Variants in GABPB1 observed in about 807,000 individuals in gnomAD.
GABPB1 encodes the protein GA-binding protein subunit beta-1.
GABPB1 carries 15 observed loss-of-function variants against 45.9 expected under a neutral mutation model. That is an observed-to-expected ratio of 0.33 (90% CI 0.22 to 0.50). GABPB1 has a LOEUF of 0.50. Among genes scored for constraint, GABPB1 ranks in the 20% least tolerant of loss-of-function variants. GABPB1 has a pLI of 0.98. For synonymous variants in GABPB1, 143 were observed against 154.4 expected, an observed-to-expected ratio of 0.93 and a Z score of 0.55; for missense variants, 252 against 457.5, an observed-to-expected ratio of 0.55 and a Z score of 4.10.
chr15:50,310,701 A>T (rs2047100637), intron 1 of GABPB1, among the ~76,000 whole-genome samples: 1 of 152,184 alleles, frequency 6.6e-6, no homozygotes, highest in Non-Finnish European at 1.5e-5. Context: ...GCTAGAGGCC[A>T]GGTGCGATGG....
intron 1 of GABPB1, chr15:50,347,299 GAAT>G (rs2048625934): frequency 6.6e-6 from 1 of 152,116 alleles, no homozygotes; most frequent in Non-Finnish European, 1.5e-5. Context: ...AACACAGGAA[GAAT>G]AATCACATTG....
intron 1 of GABPB1, chr15:50,350,479 A>C (rs2048778885): frequency 6.6e-6 from 1 of 151,130 alleles, no homozygotes; most frequent in Non-Finnish European, 1.5e-5. Flanking sequence ...TGAATCTACC[A>C]AATTACAGTG....
rs781164291 is a variant in GABPB1 at position 50,276,816 on chromosome 15, A to C, written c.*1816T>G. 6.6e-6 allele frequency: 1 copy of C among 152,244 alleles called. No homozygotes were observed. The highest frequency in any genetic ancestry group is 1.5e-5 in the Non-Finnish European group (1 of 68,048). The allele number at this position is 152,244 out of a possible 1,614,324, so 9.4% of individuals were successfully genotyped here. On this transcript the variant is annotated 3_prime_UTR_variant, in exon 9 of 9. Transcript: ENST00000380877. ...GCACCCTGCCTAACATGACAAATTA[A>C]TGTACCGAAGTAACCAGAAACAACA...
chr15:50,281,259 T>C (rs1223854807), intron 8 of GABPB1, among the ~76,000 whole-genome samples: 1 of 152,244 alleles, frequency 6.6e-6, no homozygotes, highest in Non-Finnish European at 1.5e-5. Context: ...TTGCCCAGGC[T>C]GGAGTGCAGT....
chr15:50,348,082 T>G (rs1465709649), intron 1 of GABPB1, among the ~76,000 whole-genome samples: 2 of 144,342 alleles, frequency 1.4e-5, no homozygotes, highest in Non-Finnish European at 3.0e-5. Context: ...TAAACCACCA[T>G]AGTAAAAGTA....
chr15:50,342,945 G>A, intron 1 of GABPB1, among the ~76,000 whole-genome samples: 1 of 149,520 alleles, frequency 6.7e-6, no homozygotes, highest in Non-Finnish European at 1.5e-5. Flanking sequence ...CTGTCGCCCA[G>A]GCTGGAGTGC....
intron 1 of GABPB1, among the ~76,000 whole-genome samples, chr15:50,330,299 T>C (rs2047905037): frequency 6.6e-6 from 1 of 152,188 alleles, no homozygotes; most frequent in Non-Finnish European, 1.5e-5. Flanking sequence ...TGGAAAATAC[T>C]GCATAGAGAT....
chr15:50,306,689 C>G (rs887476169), intron 2 of GABPB1, among the ~76,000 whole-genome samples: 3 of 151,658 alleles, frequency 2.0e-5, no homozygotes, highest in Non-Finnish European at 4.4e-5. Flanking sequence ...CTCCCCCAGC[C>G]CCAGAGGTAA....
chr15:50,297,514 C>T (rs113716824), intron 6 of GABPB1, among the ~76,000 whole-genome samples: 1 of 152,166 alleles, frequency 6.6e-6, no homozygotes, highest in African/African-American at 2.4e-5. Flanking sequence ...GCTCCCGGCA[C>T]TTCTTTTTAA....
At chr15:50,317,535 TATA>T (rs1001328374) in intron 1 of GABPB1, among the ~76,000 whole-genome samples, 3 of 152,028 alleles carry the variant, frequency 2.0e-5, no homozygotes, top group Non-Finnish European at 2.9e-5. Flanking sequence ...ATATTACTAA[TATA>T]ATATTAAAAC....
intron 1 of GABPB1, among the ~76,000 whole-genome samples, chr15:50,343,775 G>A (rs977883134): frequency 6.6e-6 from 1 of 152,086 alleles, no homozygotes; most frequent in Non-Finnish European, 1.5e-5. Context: ...CTGACCTCAT[G>A]ATCTGCCCGC....
At chr15:50,282,766 A>T (rs1222384293) in intron 8 of GABPB1, among the ~76,000 whole-genome samples, 2 of 152,176 alleles carry the variant, frequency 1.3e-5, no homozygotes, top group Non-Finnish European at 2.9e-5. Flanking sequence ...ATAAAAATAA[A>T]ATTTACAGCC....
chr15:50,308,435 A>C (rs535614568), intron 2 of GABPB1, among the ~76,000 whole-genome samples: 24 of 152,232 alleles, frequency 1.6e-4, no homozygotes, highest in Non-Finnish European at 2.9e-4. Flanking sequence ...GTCTTGGTTC[A>C]CATCAGCTTA....
chr15:50,300,768 C>T (rs1445534122), intron 6 of GABPB1, 21 bp downstream of exon 6: 3 of 1,446,734 alleles, frequency 2.1e-6, no homozygotes, highest in Non-Finnish European at 2.9e-6. Flanking sequence ...TTAATGTACA[C>T]ATTAGACTCG....
At position 50,354,015 on chromosome 15, in the gene GABPB1, C is replaced by A. The variant is rs78819697; in HGVS notation, c.-1+970G>T. On this transcript the variant is annotated intron_variant, in intron 1 of 8. Coordinates refer to ENST00000380877, the MANE Select transcript of GABPB1 (RefSeq NM_016654.5). ...CGCCACAGTCCAATCAGGTTTAAAG[C>A]AAGAGTATTTGTACTGAAAACAAGC... The A allele has an allele frequency of 3.8e-3, 839 of 219,082 alleles. 8 individuals carry two copies. Among genetic ancestry groups the A allele is most frequent in the African/African-American group, 0.019 (807 of 41,838 alleles). 13.6% of individuals were successfully genotyped at this position (219,082 alleles called of 1,614,324 possible). A position where few individuals can be genotyped will look rare whatever the true frequency, so the allele number is the denominator to read the frequency against.
chr15:50,313,109 TGACTA>T (rs563943954), intron 1 of GABPB1, among the ~76,000 whole-genome samples: 47 of 152,148 alleles, frequency 3.1e-4, no homozygotes, highest in African/African-American at 1.1e-3. Flanking sequence ...ACCACAAAAA[TGACTA>T]GAAGAAACAT....
At chr15:50,282,845 A>G (rs1443066511) in intron 8 of GABPB1, among the ~76,000 whole-genome samples, 1 of 152,164 alleles carries the variant, frequency 6.6e-6, no homozygotes, top group Non-Finnish European at 1.5e-5. Flanking sequence ...ACCTGAGGTC[A>G]GGAGTTCGAG....
At chr15:50,324,442 A>C (rs1025681515) in intron 1 of GABPB1, among the ~76,000 whole-genome samples, 1 of 152,022 alleles carries the variant, frequency 6.6e-6, no homozygotes, top group African/African-American at 2.4e-5. Flanking sequence ...AAGGTCCCAA[A>C]GCTAGTAGGT....
chr15:50,351,433 A>G (rs2141191872), intron 1 of GABPB1: 1 of 152,312 alleles, frequency 6.6e-6, no homozygotes, highest in African/African-American at 2.4e-5. Flanking sequence ...AAAATTAGCC[A>G]GACATGTTGG....
Sources: gnomAD v4.1 joint callset for allele counts (sites outside exome capture counted in the v4.1 genomes callset) on GRCh38, gnomAD v4.1.1 for gene constraint, MANE v1.5 for transcripts, NCBI Gene and HGNC (gene_info 2026-07-23, HGNC 2026-07-21) for gene names.